The following ACOT13 variants were observed in gnomAD, a reference collection of about 807,000 sequenced individuals.
ACOT13 encodes acyl-CoA thioesterase 13.
In ACOT13, 10 loss-of-function variants were observed where a neutral mutation model predicts 11.8. The ratio of observed to expected loss-of-function variants is 0.85; its 90% CI spans 0.53 to 1.44. The LOEUF (loss-of-function observed/expected upper bound fraction) is 1.44. ACOT13 is among the 40% of genes most tolerant of loss of function. The pLI, the probability that ACOT13 is intolerant of heterozygous loss-of-function variation, is 0.00. For missense variants in ACOT13, 172 were observed against 174.1 expected, an observed-to-expected ratio of 0.99 and a Z score of 0.07; for synonymous variants, 53 against 61.0, an observed-to-expected ratio of 0.87 and a Z score of 0.61.
At chr6:24,698,368 A>C (rs895444377) in intron 2 of ACOT13, among the ~76,000 whole-genome samples, 5 of 152,234 alleles carry the variant, frequency 3.3e-5, no homozygotes, top group Non-Finnish European at 7.3e-5. Flanking sequence ...CTGATGGCTC[A>C]TAACTGTTTC....
Position 24,671,680 on chromosome 6 carries a change from G to A in ACOT13, c.81+4336G>A, listed in dbSNP as rs377254018. ...TAATGAATCTCAAAAAACAACAACA[G>A]CAACAACAAAAAAAAACACTTTCTA... On this transcript the variant is annotated intron_variant, in intron 1 of 2. Transcript: ENST00000230048. Among the ~76,000 whole-genome samples the A allele has an allele frequency of 1.9e-3, 291 of 151,672 alleles. 2 individuals carry two copies. Among genetic ancestry groups the A allele is most frequent in the African/African-American group, 6.1e-3 (251 of 41,354 alleles).
In ACOT13 at chr6:24,701,680, A is replaced by G. The variant is rs1010221557; in HGVS notation, c.*65A>G. The G allele has an allele frequency of 2.1e-6, 3 of 1,445,496 alleles. No homozygotes were observed. The highest frequency in any genetic ancestry group is 1.4e-5 in the African/African-American group (1 of 69,742). The allele number at this position is 1,445,496 out of a possible 1,614,324, so 89.5% of individuals were successfully genotyped here. A position where few individuals can be genotyped will look rare whatever the true frequency, so the allele number is the denominator to read the frequency against. On this transcript the variant is annotated 3_prime_UTR_variant, in exon 3 of 3. Coordinates refer to ENST00000230048, the MANE Select transcript of ACOT13 (RefSeq NM_018473.4). ...ATCAAGTATAGATTTGACTCAAACA[A>G]TTGTAATTTTTGAAATAAACTAGCA...
intron 1 of ACOT13, among the ~76,000 whole-genome samples, chr6:24,669,481 G>C (rs1778323269): frequency 6.6e-6 from 1 of 152,144 alleles, no homozygotes; most frequent in South Asian, 2.1e-4. Context: ...GTAGTTCCTA[G>C]CTTGAATTTT....
chr6:24,687,135 T>G (rs1390233679), intron 1 of ACOT13, among the ~76,000 whole-genome samples: 1 of 152,182 alleles, frequency 6.6e-6, no homozygotes, highest in Non-Finnish European at 1.5e-5. Context: ...TTTGCAATGA[T>G]TACCACTATC....
chr6:24,699,305 G>T (rs1778853483), intron 2 of ACOT13, among the ~76,000 whole-genome samples: 1 of 151,534 alleles, frequency 6.6e-6, no homozygotes. Context: ...CGCCTCCCGG[G>T]TTCACACCAT....
chr6:24,669,125 T>C (rs1238841301), intron 1 of ACOT13, among the ~76,000 whole-genome samples: 1 of 152,206 alleles, frequency 6.6e-6, no homozygotes, highest in Non-Finnish European at 1.5e-5. Context: ...TATCAGTTAA[T>C]TTAGAAAGTT....
At chr6:24,694,905 G>A (rs1357083317) in intron 1 of ACOT13, among the ~76,000 whole-genome samples, 2 of 152,122 alleles carry the variant, frequency 1.3e-5, no homozygotes, top group Non-Finnish European at 2.9e-5. Context: ...CCAGTATTCT[G>A]TACTAGAAAA....
chr6:24,670,343 G>T (rs1778340024), intron 1 of ACOT13, among the ~76,000 whole-genome samples: 1 of 152,182 alleles, frequency 6.6e-6, no homozygotes, highest in South Asian at 2.1e-4. Flanking sequence ...TATGAGTAGG[G>T]TGAATTTCCT....
intron 1 of ACOT13, among the ~76,000 whole-genome samples, chr6:24,682,021 C>G (rs1471565067): frequency 6.6e-6 from 1 of 152,212 alleles, no homozygotes; most frequent in Admixed American, 6.5e-5. Flanking sequence ...TGCCTCTAGT[C>G]AGCCCTCGGA....
intron 1 of ACOT13, among the ~76,000 whole-genome samples, chr6:24,688,293 C>T (rs185816502): frequency 6.6e-6 from 1 of 151,874 alleles, no homozygotes; most frequent in Non-Finnish European, 1.5e-5. Context: ...AATCCCAACA[C>T]TTTAGGAGGT....
intron 1 of ACOT13, among the ~76,000 whole-genome samples, chr6:24,681,345 A>G (rs1348304226): frequency 6.6e-6 from 1 of 152,240 alleles, no homozygotes; most frequent in African/African-American, 2.4e-5. Flanking sequence ...TAGGAAAGCT[A>G]CAGGTTGCCA....
At chr6:24,696,858 CT>C (rs571180023) in intron 1 of ACOT13, among the ~76,000 whole-genome samples, 151 of 152,218 alleles carry the variant, frequency 9.9e-4, no homozygotes, top group African/African-American at 2.9e-3. Context: ...TCACTGCAAC[CT>C]CCACCTCCCG....
chr6:24,673,685 G>T (rs7769422), intron 1 of ACOT13, among the ~76,000 whole-genome samples: 7,672 of 152,254 alleles, frequency 0.05, 323 homozygotes, highest in African/African-American at 0.11. Flanking sequence ...TTTATTAAGA[G>T]TAAGTTAACC....
intron 1 of ACOT13, among the ~76,000 whole-genome samples, chr6:24,678,709 A>G (rs1778497168): frequency 6.6e-6 from 1 of 152,164 alleles, no homozygotes; most frequent in African/African-American, 2.4e-5. Flanking sequence ...CCCCCTAACA[A>G]GGGAGTGGGG....
intron 1 of ACOT13, among the ~76,000 whole-genome samples, chr6:24,694,883 G>GA (rs376148385): frequency 7.2e-5 from 11 of 152,226 alleles, no homozygotes; most frequent in Non-Finnish European, 1.5e-4. Flanking sequence ...AAGTTGGGGG[G>GA]AAAAATCAAA....
intron 1 of ACOT13, among the ~76,000 whole-genome samples, chr6:24,668,435 G>A (rs1432564419): frequency 1.3e-5 from 2 of 151,756 alleles, no homozygotes; most frequent in African/African-American, 4.9e-5. Flanking sequence ...TGGTCAGGCT[G>A]GTCTCAAACT....
rs373707426 is a variant in ACOT13 at position 24,675,751 on chromosome 6, A to G, written c.81+8407A>G. 6.6e-5 allele frequency among the ~76,000 whole-genome samples: 10 copies of G among 152,028 alleles called. No homozygotes were observed. The East Asian group carries it at 7.7e-4, about 12-fold the overall frequency. ...TTAGTTTAATTAGCTCCCATTTGTC[A>G]ATTTTGGCTTTTGTTGCCATTGCTT... On this transcript the variant is annotated intron_variant, in intron 1 of 2. Transcript: ENST00000230048.
At chr6:24,676,046 T>TTA (rs199726540) in intron 1 of ACOT13, among the ~76,000 whole-genome samples, 2,906 of 152,332 alleles carry the variant, frequency 0.019, 67 homozygotes, top group African/African-American at 0.053. Flanking sequence ...ATGTGTGGTA[T>TTA]TATTTCTGAG....
chr6:24,681,659 G>A (rs929578901), intron 1 of ACOT13, among the ~76,000 whole-genome samples: 1 of 152,006 alleles, frequency 6.6e-6, no homozygotes, highest in Admixed American at 6.6e-5. Flanking sequence ...TGCCCATGTC[G>A]AGAGCTGCAT....
Sources: gnomAD v4.1 joint callset for allele counts (sites outside exome capture counted in the v4.1 genomes callset) on GRCh38, gnomAD v4.1.1 for gene constraint, MANE v1.5 for transcripts, NCBI Gene and HGNC (gene_info 2026-07-23, HGNC 2026-07-21) for gene names.